FOXN3: variants seen among roughly 807,000 people sequenced by gnomAD.
FOXN3 encodes the protein forkhead box protein N3.
A neutral mutation model predicts 38.4 loss-of-function variants in FOXN3; 7 were observed. That is an observed-to-expected ratio of 0.18 (90% CI 0.10 to 0.34). The LOEUF (loss-of-function observed/expected upper bound fraction) is 0.34. Ranked by LOEUF, FOXN3 falls within the 10% of genes least tolerant of loss-of-function variation. FOXN3 has a pLI of 1.00. For missense variants in FOXN3, 456 were observed against 613.4 expected (o/e 0.74, Z 2.71); for synonymous variants, 230 against 242.2 (o/e 0.95, Z 0.47).
chr14:89,302,862 G>A (rs1887261118), intron 3 of FOXN3, among the ~76,000 whole-genome samples: 1 of 152,176 alleles, frequency 6.6e-6, no homozygotes, highest in African/African-American at 2.4e-5. Context: ...AGGAGTCACA[G>A]GCCACCAAGT....
intron 3 of FOXN3, among the ~76,000 whole-genome samples, chr14:89,313,561 A>T (rs923869149): frequency 6.8e-6 from 1 of 148,026 alleles, no homozygotes; most frequent in Non-Finnish European, 1.5e-5. Flanking sequence ...TGTCTTAAAA[A>T]AAAAAAAAAA....
At chr14:89,277,281 C>G (rs933826390) in intron 4 of FOXN3, among the ~76,000 whole-genome samples, 2 of 152,190 alleles carry the variant, frequency 1.3e-5, no homozygotes, top group African/African-American at 4.8e-5. Context: ...GGTGGGGACA[C>G]CTGTCAGCTG....
chr14:89,315,723 C>T (rs1887700592), intron 3 of FOXN3, among the ~76,000 whole-genome samples: 1 of 152,184 alleles, frequency 6.6e-6, no homozygotes, highest in Non-Finnish European at 1.5e-5. Context: ...CATACCAGCT[C>T]TGAGTTCCTT....
chr14:89,542,486 T>G (rs386899), intron 1 of FOXN3, among the ~76,000 whole-genome samples: 1 of 152,134 alleles, frequency 6.6e-6, no homozygotes, highest in Non-Finnish European at 1.5e-5. Flanking sequence ...TCACAATTAA[T>G]AAAGTTCAGC....
chr14:89,450,851 C>T (rs1892600785), intron 1 of FOXN3, among the ~76,000 whole-genome samples: 1 of 152,162 alleles, frequency 6.6e-6, no homozygotes, highest in African/African-American at 2.4e-5. Flanking sequence ...TCCCTTTGCT[C>T]CCTGTGCCTT....
At chr14:89,253,270 T>A (rs767250665) in intron 4 of FOXN3, among the ~76,000 whole-genome samples, 2 of 152,178 alleles carry the variant, frequency 1.3e-5, no homozygotes, top group Non-Finnish European at 2.9e-5. Flanking sequence ...GAAAAGAGCC[T>A]CTGGCAGGGA....
rs1566928495 is a variant in FOXN3 at position 89,204,093 on chromosome 14, AC to A, written c.746-23288del. Among the ~76,000 whole-genome samples, 131 of 138,920 alleles carry A rather than the reference AC, an allele frequency of 9.4e-4. 2 individuals are homozygous for A. The highest frequency in any genetic ancestry group is 3.4e-3 in the African/African-American group (119 of 35,264). The allele number at this position is 138,920 out of a possible 152,430, so 91.1% of individuals were successfully genotyped here. A position where few individuals can be genotyped will look rare whatever the true frequency, so the allele number is the denominator to read the frequency against. ...CACACACACACACACACACACACAC[AC>A]ACACACACAACTACTACTACAACCA... On this transcript the variant is annotated intron_variant, in intron 4 of 5. Transcript: ENST00000557258.
At chr14:89,564,673 T>C (rs1249321873) in intron 1 of FOXN3, among the ~76,000 whole-genome samples, 3 of 152,168 alleles carry the variant, frequency 2.0e-5, no homozygotes, top group East Asian at 3.8e-4. Flanking sequence ...AAAAGATCTG[T>C]TGGAAGTCTT....
At chr14:89,443,788 T>C (rs1290906709) in intron 1 of FOXN3, among the ~76,000 whole-genome samples, 2 of 151,936 alleles carry the variant, frequency 1.3e-5, no homozygotes, top group African/African-American at 4.8e-5. Context: ...GGTGGGCGGG[T>C]CACCTGAGGT....
intron 1 of FOXN3, among the ~76,000 whole-genome samples, chr14:89,427,471 G>GATTT (rs1276194500): frequency 3.5e-5 from 5 of 142,076 alleles, no homozygotes; most frequent in Non-Finnish European, 7.7e-5. Context: ...GCGCCCGGCT[G>GATTT]ATTTTTTTTT....
chr14:89,285,291 T>A (rs1160637330), intron 3 of FOXN3, among the ~76,000 whole-genome samples: 1 of 152,060 alleles, frequency 6.6e-6, no homozygotes, highest in East Asian at 1.9e-4. Context: ...GAGGCCAAGG[T>A]GGGCAGATCA....
chr14:89,369,359 T>C (rs1400405534), intron 2 of FOXN3, among the ~76,000 whole-genome samples: 1 of 152,190 alleles, frequency 6.6e-6, no homozygotes, highest in Non-Finnish European at 1.5e-5. Context: ...CAGTAGTAAC[T>C]ATTCATATTA....
Position 89,162,078 on chromosome 14 carries a change from C to T in FOXN3, c.*336G>A, listed in dbSNP as rs554217030. On this transcript the variant is annotated 3_prime_UTR_variant, in exon 6 of 6. Transcript: ENST00000557258. This position sits in a 1 kb window ranked among gnomAD's most constrained non-coding sequence, Gnocchi z 7.2. The stretch of plus-strand genomic sequence containing the variant: ...TGTGATATTGACGTTGACATCCCTG[C>T]GGATTCAGCCACAGGTTTCTGACAA... 5 of 195,978 alleles carry T rather than the reference C, an allele frequency of 2.6e-5. No individual in the cohort carries two copies. The highest frequency in any genetic ancestry group is 2.5e-4 in the South Asian group (2 of 8,080). The allele number at this position is 195,978 out of a possible 1,614,324, so 12.1% of individuals were successfully genotyped here.
chr14:89,328,463 G>A (rs1404006388), intron 3 of FOXN3, among the ~76,000 whole-genome samples: 1 of 151,268 alleles, frequency 6.6e-6, no homozygotes, highest in Admixed American at 6.6e-5. Flanking sequence ...CAGCAGCCCT[G>A]GTTGAATGGG....
At chr14:89,607,870 G>T (rs572890427) in intron 1 of FOXN3, among the ~76,000 whole-genome samples, 3 of 151,970 alleles carry the variant, frequency 2.0e-5, no homozygotes, top group Non-Finnish European at 4.4e-5. Context: ...AGGCTGGAGT[G>T]CAGTGGCGCT....
At chr14:89,222,933 T>A (rs1884513999) in intron 4 of FOXN3, among the ~76,000 whole-genome samples, 1 of 151,412 alleles carries the variant, frequency 6.6e-6, no homozygotes, top group African/African-American at 2.4e-5. Flanking sequence ...TTGGCCTCAA[T>A]TTTTTTTTCT....
intron 2 of FOXN3, among the ~76,000 whole-genome samples, chr14:89,381,332 C>G (rs1328277912): frequency 6.6e-6 from 1 of 151,806 alleles, no homozygotes; most frequent in Admixed American, 6.6e-5. Flanking sequence ...CAGGATACCT[C>G]GAACCCCGAG....
chr14:89,228,267 C>T (rs1184301976), intron 4 of FOXN3, among the ~76,000 whole-genome samples: 3 of 152,308 alleles, frequency 2.0e-5, no homozygotes, highest in East Asian at 1.9e-4. Flanking sequence ...CAGGAAGACA[C>T]GTTTTGAATT....
intron 1 of FOXN3, among the ~76,000 whole-genome samples, chr14:89,542,942 C>G (rs970201405): frequency 6.6e-6 from 1 of 152,178 alleles, no homozygotes; most frequent in African/African-American, 2.4e-5. Context: ...ATTACATTAA[C>G]AGCAGAAGCA....
Sources: gnomAD v4.1 joint callset for allele counts (sites outside exome capture counted in the v4.1 genomes callset) on GRCh38, gnomAD v4.1.1 for gene constraint, Gnocchi (gnomAD v3.1) non-coding constraint, MANE v1.5 for transcripts, NCBI Gene and HGNC (gene_info 2026-07-23, HGNC 2026-07-21) for gene names.